Variants in ACOX2 observed in about 807,000 individuals in gnomAD.
The protein encoded by ACOX2 is acyl-CoA oxidase 2.
ACOX2 carries 59 observed loss-of-function variants against 77.5 expected under a neutral mutation model. The observed-to-expected ratio is 0.76, with a 90% CI of 0.62 to 0.95. The LOEUF is 0.95. ACOX2 is among the 40% of genes least tolerant of loss of function. The probability of loss-of-function intolerance (pLI) is 0.00; values close to 1 mark genes in which losing one functional copy is unlikely to be tolerated. For missense variants in ACOX2, 837 were observed against 880.4 expected (o/e 0.95, Z 0.62); for synonymous variants, 317 against 340.1 (o/e 0.93, Z 0.75).
At position 58,533,675 on chromosome 3, in the gene ACOX2, C is replaced by CT; in HGVS notation, c.476-124dup. The CT allele has an allele frequency of 5.8e-6, 5 of 855,152 alleles. No homozygotes were observed. The highest frequency in any genetic ancestry group is 9.4e-6 in the Non-Finnish European group (5 of 534,314). 53.0% of individuals were successfully genotyped at this position (855,152 alleles called of 1,614,324 possible). On this transcript the variant is annotated intron_variant, in intron 4 of 14. Transcript: ENST00000302819. This position sits in a 1 kb window ranked among gnomAD's most constrained non-coding sequence, Gnocchi z 5.6. Reference sequence around the variant, plus strand: ...GTATGGAGTGGGGCCCAGCTCCCAGCTGTACTTGCAGGCAGTTCTCCCCTT... The same window carrying CT: ...GTATGGAGTGGGGCCCAGCTCCCAGCTTGTACTTGCAGGCAGTTCTCCCCTT...
At chr3:58,510,358 C>T (rs531779806) in intron 13 of ACOX2, among the ~76,000 whole-genome samples, 40 of 151,846 alleles carry the variant, frequency 2.6e-4, no homozygotes, top group African/African-American at 9.4e-4. Flanking sequence ...ACAGGCCGGG[C>T]GCGATGGCTC....
rs544383429 is a variant in ACOX2, at chr3:58,523,706, C to G, written c.1526+720G>C. Among the ~76,000 whole-genome samples the G allele has an allele frequency of 2.3e-4, 35 of 152,262 alleles. 1 individual carries two copies. The South Asian group carries it at 6.0e-3, about 26-fold the overall frequency. ...TCAAGCAATCCGCCCACCTCGACCT[C>G]CCAAAGTGCTGGAATTACTGGTGTC... On this transcript the variant is annotated intron_variant, in intron 11 of 14. Coordinates refer to ENST00000302819, the MANE Select transcript of ACOX2 (RefSeq NM_003500.4). This position sits in a 1 kb window ranked among gnomAD's most constrained non-coding sequence, Gnocchi z 5.3.
chr3:58,527,784 G>A lies in ACOX2; in HGVS notation c.1155+1010C>T, dbSNP rs544037904. Among the ~76,000 whole-genome samples, 6 of 152,190 alleles carry A rather than the reference G, an allele frequency of 3.9e-5. No homozygotes were observed. In the South Asian group the frequency reaches 1.0e-3, roughly 26 times the overall value. Reference sequence around the variant, plus strand: ...AGCTCACTGCATCCTTGCACTCCTGGGCTCAAGGAATCCTCCCACCTCAGC... The same window carrying A: ...AGCTCACTGCATCCTTGCACTCCTGAGCTCAAGGAATCCTCCCACCTCAGC... On this transcript the variant is annotated intron_variant, in intron 9 of 14. Transcript: ENST00000302819.
chr3:58,517,724 G>A (rs950774644), intron 12 of ACOX2, among the ~76,000 whole-genome samples: 3 of 152,100 alleles, frequency 2.0e-5, no homozygotes, highest in Non-Finnish European at 4.4e-5. Context: ...AAGAATACAG[G>A]CATATTGGAG....
At position 58,535,035 on chromosome 3, in the gene ACOX2, G is replaced by T; in HGVS notation, c.72C>A (p.Ser24Arg). 1.2e-6 allele frequency: 2 copies of T among 1,614,166 alleles called. No individual in the cohort carries two copies. Among genetic ancestry groups the T allele is most frequent in the Non-Finnish European group, 1.7e-6 (2 of 1,180,030 alleles). The change falls in exon 2 of 15, where the codon AGC becomes AGA. Residue 24 changes from serine (S) to arginine (R), a missense_variant. Physicochemically the swap from Ser to Arg is moderately radical, Grantham distance 110. Transcript: ENST00000302819. The surrounding 1 kb of genome is among the most constrained non-coding windows in gnomAD (Gnocchi z 4.8). The stretch of plus-strand genomic sequence containing the variant: ...CGTCAAAGGACTGCATATACCTCTC[G>T]CTCTCTATGTCGGGGTGCATTTGCC... ...WSRQMHPDIE[S>R]ERYMQSFDVE...
In ACOX2 at chr3:58,531,660, GC is replaced by G. The variant is rs748145888; in HGVS notation, c.703+32del. 2.5e-6 allele frequency: 4 copies of G among 1,607,758 alleles called. No homozygotes were observed. The South Asian group carries it at 4.4e-5, about 18-fold the overall frequency. On this transcript the variant is annotated intron_variant, in intron 6 of 14. Transcript: ENST00000302819. The surrounding 1 kb of genome is among the most constrained non-coding windows in gnomAD (Gnocchi z 5.8). ...GGAGGCCACCTGGGCTCTCCTCCTG[GC>G]AGGGTTCCTTGAGGGAGCATTATGG...
chr3:58,517,641 T>G, intron 12 of ACOX2, among the ~76,000 whole-genome samples: 1 of 148,880 alleles, frequency 6.7e-6, no homozygotes, highest in South Asian at 2.2e-4. Flanking sequence ...CGGGGGGGAC[T>G]GGTGGGCTTT....
At position 58,524,352 on chromosome 3, in the gene ACOX2, A is replaced by G. The variant is rs2063379528; in HGVS notation, c.1526+74T>C. 1 of 1,543,798 alleles carries G rather than the reference A, an allele frequency of 6.5e-7. No individual in the cohort carries two copies. The highest frequency in any genetic ancestry group is 8.8e-7 in the Non-Finnish European group (1 of 1,136,436). ...AACTGAATCCACGAATGTCCACCCA[A>G]CCAATCCAAAGGCCCTAGTGTGGCA... On this transcript the variant is annotated intron_variant, in intron 11 of 14. Transcript: ENST00000302819. The surrounding 1 kb of genome is among the most constrained non-coding windows in gnomAD (Gnocchi z 5.5).
chr3:58,510,695 TATATATATATATATACACACACACAC>T lies in ACOX2; in HGVS notation c.1851-1696_1851-1671del, dbSNP rs1414117421. On this transcript the variant is annotated intron_variant, in intron 13 of 14. Transcript: ENST00000302819. ...ATATATATATATATATATATATATA[TATATATATATATATACACACACACAC>T]ACACACACACACACACACACTCAAC... is the stretch of plus-strand genomic sequence containing the variant. Among the ~76,000 whole-genome samples, 93 of 9,400 alleles carry T rather than the reference TATATATATATATATACACACACACAC, an allele frequency of 9.9e-3. 13 individuals carry two copies. The highest frequency in any genetic ancestry group is 0.028 in the African/African-American group (89 of 3,146). The allele number at this position is 9,400 out of a possible 152,430, so 6.2% of individuals were successfully genotyped here. A position where few individuals can be genotyped will look rare whatever the true frequency, so the allele number is the denominator to read the frequency against.
chr3:58,524,682 A>C lies in ACOX2; in HGVS notation c.1347-77T>G. On this transcript the variant is annotated intron_variant, in intron 10 of 14. Transcript: ENST00000302819. This position sits in a 1 kb window ranked among gnomAD's most constrained non-coding sequence, Gnocchi z 5.5. ...CCCAGCACCCCTCACTCCCAGAGACAGGCAAGCTCATGCTAGGTTCCAGCC... is the reference window on the plus strand; with the variant it reads ...CCCAGCACCCCTCACTCCCAGAGACCGGCAAGCTCATGCTAGGTTCCAGCC... 1 of 1,457,638 alleles carries C rather than the reference A, an allele frequency of 6.9e-7. No homozygotes were observed. The highest frequency in any genetic ancestry group is 9.3e-7 in the Non-Finnish European group (1 of 1,069,730). 90.3% of individuals were successfully genotyped at this position (1,457,638 alleles called of 1,614,324 possible).
Position 58,522,489 on chromosome 3 carries a change from C to A in ACOX2, c.1632+7G>T. 1 of 1,613,608 alleles carries A rather than the reference C, an allele frequency of 6.2e-7. No homozygotes were observed. The highest frequency in any genetic ancestry group is 8.5e-7 in the Non-Finnish European group (1 of 1,179,564). On this transcript the variant is annotated splice_region_variant and intron_variant, in intron 12 of 14. Coordinates refer to ENST00000302819, the MANE Select transcript of ACOX2 (RefSeq NM_003500.4). The surrounding 1 kb of genome is among the most constrained non-coding windows in gnomAD (Gnocchi z 4.3). ...ATCCCTTTCAGCTTCAGCTGGCAGG[C>A]GCTCACCTTAGCAGCCTGGAGGTGT...
rs1386990681 is a variant in ACOX2 at position 58,517,337 on chromosome 3, C to G, written c.1719G>C (p.Lys573Asn). The change falls in exon 13 of 15, where the codon AAG becomes AAC. Residue 573 changes from lysine (K) to asparagine (N), a missense_variant. Transcript: ENST00000302819. ...GTATGGCATGGAGGTCACAGAGGCG[C>G]TTGAGCACCTGCTGAATCGCTGGTT... ...ENEPAIQQVL[K>N]RLCDLHAIHG... The G allele has an allele frequency of 1.2e-6, 2 of 1,614,032 alleles. No individual in the cohort carries two copies. Among genetic ancestry groups the G allele is most frequent in the African/African-American group, 2.7e-5 (2 of 74,894 alleles).
rs2063376619 is a variant in ACOX2 at position 58,523,923 on chromosome 3, G to A, written c.1526+503C>T. 6.6e-6 allele frequency among the ~76,000 whole-genome samples: 1 copy of A among 152,148 alleles called. No homozygotes were observed. The highest frequency in any genetic ancestry group is 1.5e-5 in the Non-Finnish European group (1 of 68,040). On this transcript the variant is annotated intron_variant, in intron 11 of 14. Coordinates refer to ENST00000302819, the MANE Select transcript of ACOX2 (RefSeq NM_003500.4). The surrounding 1 kb of genome is among the most constrained non-coding windows in gnomAD (Gnocchi z 5.3). The stretch of plus-strand genomic sequence containing the variant: ...AGGTACTGAACAATATTTGTTGAAT[G>A]ACAGAATGGATGAGTCCTTGGTTTT...
chr3:58,517,480 C>A (rs931471094), intron 12 of ACOX2, 57 bp from the exon 13 acceptor site: 1 of 1,528,530 alleles, frequency 6.5e-7, no homozygotes, highest in Non-Finnish European at 9.0e-7. Flanking sequence ...CCAGAAGTCA[C>A]CCTGGAAGCA....
At chr3:58,530,371 C>A in intron 8 of ACOX2, 95 bp downstream of exon 8, 10 of 1,517,550 alleles carry the variant, frequency 6.6e-6, no homozygotes, top group Non-Finnish European at 8.9e-6. Flanking sequence ...CTGCTCCCAG[C>A]ACTCTGGCTC....
Position 58,528,947 on chromosome 3 carries a change from C to T in ACOX2, c.1002G>A (p.Glu334=). ...RQSRLRPSDP[E]AKVLDYQTQQ... ...GTGTCTGGTAGTCCAGGACCTTTGCCTCTGGGTCACTGAAGGGAAAAGAAC... is the reference window on the plus strand; with the variant it reads ...GTGTCTGGTAGTCCAGGACCTTTGCTTCTGGGTCACTGAAGGGAAAAGAAC... Residue 334 remains glutamate, a synonymous_variant, in exon 9 of 15, where the codon GAG becomes GAA. Coordinates refer to ENST00000302819, the MANE Select transcript of ACOX2 (RefSeq NM_003500.4). The surrounding 1 kb of genome is among the most constrained non-coding windows in gnomAD (Gnocchi z 5.6). 6.2e-7 allele frequency: 1 copy of T among 1,609,100 alleles called. No homozygotes were observed. The highest frequency in any genetic ancestry group is 8.5e-7 in the Non-Finnish European group (1 of 1,177,470).
chr3:58,516,840 AAAAAG>A (rs995763726), intron 13 of ACOX2, among the ~76,000 whole-genome samples: 6 of 152,204 alleles, frequency 3.9e-5, no homozygotes, highest in African/African-American at 1.4e-4. Context: ...CTGTCTAAAA[AAAAAG>A]AAAAGAAAAA....
chr3:58,528,774 C>G lies in ACOX2; in HGVS notation c.1155+20G>C. Reference sequence around the variant, plus strand: ...CTCCCAGCGCCTGCCAGCGCCTGCCCCTCCGCAGACAGCAGGTACCTCAGG... The same window carrying G: ...CTCCCAGCGCCTGCCAGCGCCTGCCGCTCCGCAGACAGCAGGTACCTCAGG... On this transcript the variant is annotated intron_variant, in intron 9 of 14. Transcript: ENST00000302819. The surrounding 1 kb of genome is among the most constrained non-coding windows in gnomAD (Gnocchi z 5.6). 6.3e-7 allele frequency: 1 copy of G among 1,591,240 alleles called. No individual in the cohort carries two copies. Among genetic ancestry groups the G allele is most frequent in the Non-Finnish European group, 8.6e-7 (1 of 1,168,198 alleles).
In ACOX2 at chr3:58,534,611, G is replaced by C. The variant is rs752114478; in HGVS notation, c.161-89C>G. 1 of 1,606,350 alleles carries C rather than the reference G, an allele frequency of 6.2e-7. No homozygotes were observed. Among genetic ancestry groups the C allele is most frequent in the Non-Finnish European group, 8.5e-7 (1 of 1,177,736 alleles). On this transcript the variant is annotated intron_variant, in intron 2 of 14. Coordinates refer to ENST00000302819, the MANE Select transcript of ACOX2 (RefSeq NM_003500.4). This position sits in a 1 kb window ranked among gnomAD's most constrained non-coding sequence, Gnocchi z 4.8. ...TCTCACCCACTTGCTTCATGGATCT[G>C]GAAAGGAAGTCAGACATTATTGTTA... is the stretch of plus-strand genomic sequence containing the variant.
Sources: gnomAD v4.1 joint callset for allele counts (sites outside exome capture counted in the v4.1 genomes callset) on GRCh38, gnomAD v4.1.1 for gene constraint, Gnocchi (gnomAD v3.1) non-coding constraint, MANE v1.5 for transcripts, NCBI Gene and HGNC (gene_info 2026-07-23, HGNC 2026-07-21) for gene names.